COL8A2: variants seen among roughly 807,000 people sequenced by gnomAD.
The protein encoded by COL8A2 is collagen type VIII alpha 2 chain, also known as collagen alpha-2(VIII) chain.
Under a neutral mutation model 24.0 loss-of-function variants are expected in COL8A2, and 16 were observed. The observed-to-expected ratio is 0.67, with a 90% CI of 0.45 to 1.01. The LOEUF is 1.01. Ranked by LOEUF, COL8A2 falls within the 50% of genes least tolerant of loss-of-function variation. The probability of loss-of-function intolerance (pLI) is 0.00; values close to 1 mark genes in which losing one functional copy is unlikely to be tolerated. For synonymous variants in COL8A2, 466 were observed against 424.5 expected, an observed-to-expected ratio of 1.10 and a Z score of -1.20; for missense variants, 818 against 942.4, an observed-to-expected ratio of 0.87 and a Z score of 1.73.
At chr1:36,111,761 G>C (rs908613718) in intron 2 of COL8A2, among the ~76,000 whole-genome samples, 1 of 151,924 alleles carries the variant, frequency 6.6e-6, no homozygotes. Context: ...CGTTGCCCAG[G>C]CTGCTCTAGA....
rs762026636 is a variant in COL8A2, at chr1:36,097,558, C to G, written c.*11G>C. 1.9e-6 allele frequency: 3 copies of G among 1,581,492 alleles called. No individual in the cohort carries two copies. Among genetic ancestry groups the G allele is most frequent in the South Asian group, 1.1e-5 (1 of 89,604 alleles). ...GGGAGGAGGCCAGGGCAGCAGGACC[C>G]CCCCCGCGGGTTATGTGGGGCAGAG... On this transcript the variant is annotated 3_prime_UTR_variant, in exon 4 of 4. Transcript: ENST00000397799.
intron 2 of COL8A2, among the ~76,000 whole-genome samples, chr1:36,101,067 T>C (rs888017074): frequency 1.3e-5 from 2 of 152,074 alleles, no homozygotes; most frequent in African/African-American, 4.8e-5. Flanking sequence ...CTAATTCTTG[T>C]ATTTTTAGTA....
rs773583216 is a variant in COL8A2, at chr1:36,098,524, G to A, written c.1157C>T (p.Pro386Leu). 2.3e-5 allele frequency: 36 copies of A among 1,594,636 alleles called. No homozygotes were observed. The Admixed American group carries it at 5.0e-4, about 22-fold the overall frequency. Residue 386 changes from proline (P) to leucine (L), a missense_variant, in exon 4 of 4, where the codon CCC (proline) becomes CTC (leucine). Physicochemically the swap from Pro to Leu is moderately conservative, Grantham distance 98 (BLOSUM62 -3). Coordinates refer to ENST00000397799, the MANE Select transcript of COL8A2 (RefSeq NM_005202.4). ...ACCTCGAATGCCAGGCACTCCTGGGGGTCCTCCAGGCCCTGCCTCACCCTT... is the reference window on the plus strand; with the variant it reads ...ACCTCGAATGCCAGGCACTCCTGGGAGTCCTCCAGGCCCTGCCTCACCCTT... ...GPKGEAGPGG[P>L]PGVPGIRGDQ... is the part of the protein sequence containing the mutation.
chr1:36,110,631 A>T (rs574093187), intron 2 of COL8A2, among the ~76,000 whole-genome samples: 1 of 152,290 alleles, frequency 6.6e-6, no homozygotes, highest in South Asian at 2.1e-4. Flanking sequence ...CTGGGATTAC[A>T]GGGGTACACA....
intron 2 of COL8A2, among the ~76,000 whole-genome samples, chr1:36,106,697 AG>A (rs1268278720): frequency 1.0e-5 from 1 of 100,074 alleles, no homozygotes; most frequent in Non-Finnish European, 2.1e-5. Context: ...GACTTCGAGG[AG>A]CTCAGGCAGC....
chr1:36,103,236 A>T (rs1421440800), intron 2 of COL8A2, among the ~76,000 whole-genome samples: 2 of 152,094 alleles, frequency 1.3e-5, no homozygotes, highest in African/African-American at 4.8e-5. Context: ...AAGTTCTGGG[A>T]TTATAGGCAT....
intron 1 of COL8A2, among the ~76,000 whole-genome samples, chr1:36,116,031 C>G (rs1643877315): frequency 6.6e-6 from 1 of 150,746 alleles, no homozygotes; most frequent in African/African-American, 2.5e-5. Context: ...CACCACTGCA[C>G]TCCTGAGACA....
At chr1:36,124,834 G>A (rs936893615) in intron 1 of COL8A2, among the ~76,000 whole-genome samples, 5 of 152,098 alleles carry the variant, frequency 3.3e-5, no homozygotes, top group Non-Finnish European at 7.4e-5. Flanking sequence ...AAGGGAGGAG[G>A]GGGCTTTACT....
intron 1 of COL8A2, among the ~76,000 whole-genome samples, chr1:36,122,510 G>C (rs1306644009): frequency 6.6e-6 from 1 of 152,070 alleles, no homozygotes; most frequent in African/African-American, 2.4e-5. Flanking sequence ...CCAGCTCCCA[G>C]TCATCTCAAC....
At chr1:36,116,372 T>C (rs1449103791) in intron 1 of COL8A2, among the ~76,000 whole-genome samples, 1 of 152,198 alleles carries the variant, frequency 6.6e-6, no homozygotes, top group East Asian at 1.9e-4. Flanking sequence ...TGTCCCGGGT[T>C]CCCATGCTGG....
chr1:36,100,288 G>C, intron 2 of COL8A2, 30 bp from the exon 3 acceptor site: 1 of 1,534,056 alleles, frequency 6.5e-7, no homozygotes, highest in South Asian at 1.2e-5. Context: ...AAGTCATCAA[G>C]CCAGCCCTGG....
At chr1:36,101,751 AATG>A (rs1200030750) in intron 2 of COL8A2, among the ~76,000 whole-genome samples, 1 of 152,252 alleles carries the variant, frequency 6.6e-6, no homozygotes, top group Non-Finnish European at 1.5e-5. Flanking sequence ...AATGAAAATG[AATG>A]AAGTACAGGC....
chr1:36,100,298 G>A, intron 2 of COL8A2, 40 bp from the exon 3 acceptor site: 3 of 1,530,568 alleles, frequency 2.0e-6, no homozygotes, highest in East Asian at 2.4e-5. Flanking sequence ...GCCAGCCCTG[G>A]GTGGTTTGGC....
chr1:36,103,088 T>C (rs1643702960), intron 2 of COL8A2, among the ~76,000 whole-genome samples: 1 of 152,030 alleles, frequency 6.6e-6, no homozygotes. Context: ...GCTCAAGTAA[T>C]CCTCCCACCT....
chr1:36,102,366 C>T (rs993885184), intron 2 of COL8A2, among the ~76,000 whole-genome samples: 2 of 152,042 alleles, frequency 1.3e-5, no homozygotes, highest in Non-Finnish European at 2.9e-5. Context: ...TGGGAAGTGA[C>T]GACTAATGGG....
At position 36,096,587 on chromosome 1, in the gene COL8A2, C is replaced by T. The variant is rs1414635534; in HGVS notation, c.*982G>A. The stretch of plus-strand genomic sequence containing the variant: ...TTCAGAGGGCCAAACGAGAGGTGCT[C>T]TGCCTTGGGGATACCTGGCTGGGGT... On this transcript the variant is annotated 3_prime_UTR_variant, in exon 4 of 4. Transcript: ENST00000397799. 1 of 152,240 alleles carries T rather than the reference C, an allele frequency of 6.6e-6. No homozygotes were observed. Among genetic ancestry groups the T allele is most frequent in the Non-Finnish European group, 1.5e-5 (1 of 68,050 alleles). The allele number at this position is 152,240 out of a possible 1,614,324, so 9.4% of individuals were successfully genotyped here.
At chr1:36,122,991 C>A (rs1161584896) in intron 1 of COL8A2, among the ~76,000 whole-genome samples, 2 of 151,826 alleles carry the variant, frequency 1.3e-5, no homozygotes, top group African/African-American at 4.8e-5. Flanking sequence ...CCCTCCCATT[C>A]ACCCTTTCCA....
chr1:36,111,961 C>T (rs1014673463), intron 2 of COL8A2, among the ~76,000 whole-genome samples: 1 of 152,082 alleles, frequency 6.6e-6, no homozygotes, highest in African/African-American at 2.4e-5. Flanking sequence ...GGTGCCAAGG[C>T]CAAAAATCTG....
rs1407524642 is a variant in COL8A2 at position 36,099,518 on chromosome 1, G to A, written c.194-31C>T. On this transcript the variant is annotated intron_variant, in intron 3 of 3. Coordinates refer to ENST00000397799, the MANE Select transcript of COL8A2 (RefSeq NM_005202.4). Reference sequence around the variant, plus strand: ...AAAGAAAGAGAAAGGGGCAGTCAGGGGCCTGAACTGTGGGGACAGGGGACC... The same window carrying A: ...AAAGAAAGAGAAAGGGGCAGTCAGGAGCCTGAACTGTGGGGACAGGGGACC... The A allele has an allele frequency of 3.4e-6, 5 of 1,474,576 alleles. No homozygotes were observed. In the South Asian group the frequency reaches 6.0e-5, roughly 18 times the overall value. 91.3% of individuals were successfully genotyped at this position (1,474,576 alleles called of 1,614,324 possible). A position where few individuals can be genotyped will look rare whatever the true frequency, so the allele number is the denominator to read the frequency against.
Sources: allele counts gnomAD v4.1 joint callset (sites outside exome capture counted in the v4.1 genomes callset), GRCh38; gene constraint gnomAD v4.1.1; transcripts MANE v1.5; gene names NCBI Gene and HGNC (gene_info 2026-07-23, HGNC 2026-07-21).